Variants in SCAMP1 observed in about 807,000 individuals in gnomAD.
The protein encoded by SCAMP1 is secretory carrier-associated membrane protein 1.
Under a neutral mutation model 41.8 loss-of-function variants are expected in SCAMP1, and 15 were observed. That is an observed-to-expected ratio of 0.36 (90% CI 0.24 to 0.55). SCAMP1 has a LOEUF of 0.55. Among genes scored for constraint, SCAMP1 ranks in the 20% least tolerant of loss-of-function variants. The pLI, the probability that SCAMP1 is intolerant of heterozygous loss-of-function variation, is 0.86. For missense variants in SCAMP1, 341 were observed against 412.6 expected (o/e 0.83, Z 1.50); for synonymous variants, 135 against 136.8 (o/e 0.99, Z 0.09).
intron 2 of SCAMP1, 61 bp from the exon 3 acceptor site, chr5:78,415,459 T>C: frequency 1.0e-6 from 1 of 1,000,614 alleles, no homozygotes. Context: ...GTTATACTTT[T>C]TGAAAGAAGT....
chr5:78,468,965 T>C (rs1434906534), intron 8 of SCAMP1, among the ~76,000 whole-genome samples: 2 of 152,190 alleles, frequency 1.3e-5, no homozygotes, highest in African/African-American at 4.8e-5. Context: ...AATCTATGCA[T>C]ACTCAAGTCT....
intron 7 of SCAMP1, among the ~76,000 whole-genome samples, chr5:78,456,165 G>A (rs1454397923): frequency 8.2e-6 from 1 of 122,324 alleles, no homozygotes; most frequent in Admixed American, 8.7e-5. Flanking sequence ...CTTTTAATTG[G>A]AGCATTTAGT....
At chr5:78,453,745 C>G (rs925338499) in intron 7 of SCAMP1, among the ~76,000 whole-genome samples, 64 of 152,198 alleles carry the variant, frequency 4.2e-4, no homozygotes, top group Admixed American at 1.4e-3. Flanking sequence ...AGCTTTATGG[C>G]GATGGCATTG....
chr5:78,435,299 A>G (rs536993670), intron 6 of SCAMP1, among the ~76,000 whole-genome samples: 147 of 152,320 alleles, frequency 9.7e-4, no homozygotes, highest in Middle Eastern at 6.8e-3. Flanking sequence ...GGTTTGATAC[A>G]TAAGTATACA....
chr5:78,437,656 A>T (rs562406610), intron 6 of SCAMP1, among the ~76,000 whole-genome samples: 3 of 152,202 alleles, frequency 2.0e-5, no homozygotes, highest in Non-Finnish European at 4.4e-5. Context: ...TTCATCAGGG[A>T]TATTGGTCTA....
rs1313927936 is a variant in SCAMP1 at position 78,392,498 on chromosome 5, A to G, written c.135+3584A>G. Among the ~76,000 whole-genome samples, 4 of 152,236 alleles carry G rather than the reference A, an allele frequency of 2.6e-5. No individual in the cohort carries two copies. In the East Asian group the frequency reaches 7.7e-4, roughly 29 times the overall value. Reference sequence around the variant, plus strand: ...TGGTGTAATTAAAAATTACACAGACACAAAGAAGATATATCCAGAACAAAT... The same window carrying G: ...TGGTGTAATTAAAAATTACACAGACGCAAAGAAGATATATCCAGAACAAAT... On this transcript the variant is annotated intron_variant, in intron 2 of 8. Coordinates refer to ENST00000621999, the MANE Select transcript of SCAMP1 (RefSeq NM_004866.6).
intron 2 of SCAMP1, among the ~76,000 whole-genome samples, chr5:78,393,454 G>A (rs1191019447): frequency 6.6e-6 from 1 of 152,168 alleles, no homozygotes; most frequent in African/African-American, 2.4e-5. Context: ...TTTTAGGTGT[G>A]AGCTACAGTG....
At chr5:78,382,776 G>GGTGTGT (rs61523492) in intron 1 of SCAMP1, among the ~76,000 whole-genome samples, 2,152 of 130,288 alleles carry the variant, frequency 0.017, 34 homozygotes, top group Middle Eastern at 0.023. Flanking sequence ...AGTATTCCAT[G>GGTGTGT]GTGTGTGTGT....
intron 8 of SCAMP1, among the ~76,000 whole-genome samples, chr5:78,469,741 G>A (rs555546001): frequency 1.6e-4 from 24 of 151,264 alleles, no homozygotes; most frequent in African/African-American, 4.4e-4. Flanking sequence ...TAAAATATAC[G>A]GTTTAGACTG....
chr5:78,469,908 AAAAACAAAAAAAAAAAAAAAAAAACAAC>A lies in SCAMP1; in HGVS notation c.853-5593_853-5566del, dbSNP rs1217675317. Among the ~76,000 whole-genome samples, 160 of 38,488 alleles carry A rather than the reference AAAAACAAAAAAAAAAAAAAAAAAACAAC, an allele frequency of 4.2e-3. 2 individuals are homozygous for A. Among genetic ancestry groups the A allele is most frequent in the African/African-American group, 0.014 (79 of 5,572 alleles). 25.2% of individuals were successfully genotyped at this position (38,488 alleles called of 152,430 possible). A position where few individuals can be genotyped will look rare whatever the true frequency, so the allele number is the denominator to read the frequency against. ...AAGACATTAAAAAAAAAAAAAAAAA[AAAAACAAAAAAAAAAAAAAAAAAACAAC>A]AACACAGCCCAGGCATGGTGGTGTG... On this transcript the variant is annotated intron_variant, in intron 8 of 8. Coordinates refer to ENST00000621999, the MANE Select transcript of SCAMP1 (RefSeq NM_004866.6).
chr5:78,450,782 C>G (rs1561282097), intron 7 of SCAMP1, among the ~76,000 whole-genome samples: 1 of 152,088 alleles, frequency 6.6e-6, no homozygotes, highest in South Asian at 2.1e-4. Context: ...TACATTAAAC[C>G]AAAATTGAAA....
chr5:78,392,016 AGGGAGAGAG>A (rs762404379), intron 2 of SCAMP1, among the ~76,000 whole-genome samples: 1,472 of 109,198 alleles, frequency 0.013, 11 homozygotes, highest in Non-Finnish European at 0.022. Flanking sequence ...GGAGAGGGAG[AGGGAGAGAG>A]AGGGAGAGGG....
intron 1 of SCAMP1, among the ~76,000 whole-genome samples, chr5:78,367,143 A>G (rs902113834): frequency 1.3e-5 from 2 of 151,972 alleles, no homozygotes; most frequent in Non-Finnish European, 2.9e-5. Context: ...ATTTTTCCTC[A>G]TGTTAATGTT....
At chr5:78,460,822 TTTCTTGTCTTTCCTCTATCTGTCTC>T (rs1753588720) in intron 8 of SCAMP1, among the ~76,000 whole-genome samples, 1 of 47,742 alleles carries the variant, frequency 2.1e-5, no homozygotes, top group Non-Finnish European at 6.0e-5. Context: ...CCTTCCTTCC[TTTCTTGTCTTTCCTCTATCTGTCTC>T]TCTTTCTGTC....
At chr5:78,474,907 T>C (rs533866327) in intron 8 of SCAMP1, among the ~76,000 whole-genome samples, 1 of 152,278 alleles carries the variant, frequency 6.6e-6, no homozygotes, top group Admixed American at 6.5e-5. Context: ...GATTAATCAG[T>C]ATGGAGAAAC....
intron 6 of SCAMP1, among the ~76,000 whole-genome samples, chr5:78,423,041 CACACACACACAG>C (rs781367442): frequency 1.1e-4 from 15 of 135,608 alleles, no homozygotes; most frequent in African/African-American, 3.9e-4. Context: ...CACACACACA[CACACACACACAG>C]AGTTAGAAAC....
chr5:78,416,900 TA>T (rs923449458), intron 4 of SCAMP1, among the ~76,000 whole-genome samples: 1 of 152,218 alleles, frequency 6.6e-6, no homozygotes, highest in African/African-American at 2.4e-5. Flanking sequence ...GTGAATATGA[TA>T]ATTTTTGCTT....
At position 78,446,464 on chromosome 5, in the gene SCAMP1, C is replaced by CT. The variant is rs1277898698; in HGVS notation, c.633-3468dup. 2.0e-4 allele frequency among the ~76,000 whole-genome samples: 31 copies of CT among 151,984 alleles called. 2 individuals are homozygous for CT. In the East Asian group the frequency reaches 5.8e-3, roughly 28 times the overall value. On this transcript the variant is annotated intron_variant, in intron 6 of 8. Coordinates refer to ENST00000621999, the MANE Select transcript of SCAMP1 (RefSeq NM_004866.6). ...TTATAATGTAAAATATTTTAATAGT[C>CT]TGGTTTCTTGGCACACAAAATAGTA...
chr5:78,386,042 T>A (rs1751332014), intron 1 of SCAMP1, among the ~76,000 whole-genome samples: 1 of 152,196 alleles, frequency 6.6e-6, no homozygotes, highest in Admixed American at 6.5e-5. Context: ...TCTAGTGCTG[T>A]CAGTAGAGTA....
Sources: allele counts gnomAD v4.1 joint callset (sites outside exome capture counted in the v4.1 genomes callset), GRCh38; gene constraint gnomAD v4.1.1; transcripts MANE v1.5; gene names NCBI Gene and HGNC (gene_info 2026-07-23, HGNC 2026-07-21).